The following DSCAM variants were observed in gnomAD, a reference collection of about 807,000 sequenced individuals.
The protein encoded by DSCAM is cell adhesion molecule DSCAM.
DSCAM carries 47 observed loss-of-function variants against 217.7 expected under a neutral mutation model. That is an observed-to-expected ratio of 0.22 (90% confidence interval 0.17 to 0.28). The LOEUF is 0.28. Among genes scored for constraint, DSCAM ranks in the 10% least tolerant of loss-of-function variants. DSCAM has a pLI of 1.00. For synonymous variants in DSCAM, 1,056 were observed against 1,015.3 expected (o/e 1.04, Z -0.76); for missense variants, 2,080 against 2,618.3 (o/e 0.79, Z 4.49).
At chr21:40,313,565 T>A (rs1212551166) in intron 8 of DSCAM, among the ~76,000 whole-genome samples, 1 of 152,212 alleles carries the variant, frequency 6.6e-6, no homozygotes, top group Non-Finnish European at 1.5e-5. Context: ...CTGTTACTTG[T>A]TAGTTATGAG....
intron 20 of DSCAM, among the ~76,000 whole-genome samples, chr21:40,103,680 A>G (rs1414434373): frequency 6.6e-6 from 1 of 151,800 alleles, no homozygotes; most frequent in Non-Finnish European, 1.5e-5. Flanking sequence ...TGTAGATACC[A>G]TTACATATAT....
chr21:40,476,494 C>A (rs2075937444), intron 3 of DSCAM, among the ~76,000 whole-genome samples: 1 of 152,176 alleles, frequency 6.6e-6, no homozygotes, highest in Non-Finnish European at 1.5e-5. Flanking sequence ...ATGATAGTGA[C>A]AATCACAAAC....
chr21:40,502,616 C>T (rs1026153355), intron 3 of DSCAM, among the ~76,000 whole-genome samples: 18 of 152,250 alleles, frequency 1.2e-4, no homozygotes, highest in Admixed American at 1.2e-3. Flanking sequence ...AATGGCCCAT[C>T]GAGTTTCCCA....
chr21:40,734,903 G>C (rs1601189693), intron 1 of DSCAM, among the ~76,000 whole-genome samples: 1 of 152,198 alleles, frequency 6.6e-6, no homozygotes, highest in Non-Finnish European at 1.5e-5. Flanking sequence ...AGACAAACGT[G>C]AATGTGCTTT....
intron 28 of DSCAM, among the ~76,000 whole-genome samples, chr21:40,059,043 T>G (rs2089073364): frequency 1.3e-5 from 2 of 152,210 alleles, no homozygotes; most frequent in Non-Finnish European, 2.9e-5. Flanking sequence ...AATCAATTAT[T>G]TGCAGCCACT....
intron 11 of DSCAM, among the ~76,000 whole-genome samples, chr21:40,249,160 G>A (rs187710118): frequency 9.9e-5 from 15 of 152,284 alleles, no homozygotes; most frequent in Non-Finnish European, 1.8e-4. Context: ...CTGAAGCAGG[G>A]CAGATAGTTA....
intron 3 of DSCAM, among the ~76,000 whole-genome samples, chr21:40,425,827 G>T (rs1012946030): frequency 4.0e-5 from 6 of 151,836 alleles, no homozygotes; most frequent in African/African-American, 1.5e-4. Flanking sequence ...ACACACACAT[G>T]CATGTGTATC....
chr21:40,237,731 G>C (rs1414345523), intron 11 of DSCAM, among the ~76,000 whole-genome samples: 2 of 152,142 alleles, frequency 1.3e-5, no homozygotes, highest in Non-Finnish European at 2.9e-5. Flanking sequence ...TATGTACCTA[G>C]TAATGGGATT....
Position 40,538,585 on chromosome 21 carries a change from CT to C in DSCAM, c.508+154224del, listed in dbSNP as rs2076518230. On this transcript the variant is annotated intron_variant, in intron 3 of 32. Coordinates refer to ENST00000400454, the MANE Select transcript of DSCAM (RefSeq NM_001389.5). ...AATCAAAATTTGCCTTGATATTGTGCTTTCTGTGTTTGCCATACAATGAATT... is the reference window on the plus strand; with the variant it reads ...AATCAAAATTTGCCTTGATATTGTGCTTCTGTGTTTGCCATACAATGAATT... Among the ~76,000 whole-genome samples, 3 of 152,270 alleles carry C rather than the reference CT, an allele frequency of 2.0e-5. No homozygotes were observed. The South Asian group carries it at 6.2e-4, about 32-fold the overall frequency.
chr21:40,811,647 T>C (rs775473885), intron 1 of DSCAM, among the ~76,000 whole-genome samples: 1 of 152,222 alleles, frequency 6.6e-6, no homozygotes, highest in Non-Finnish European at 1.5e-5. Context: ...CAAAGGCTGA[T>C]GCAGACAGAA....
At chr21:40,525,196 TTTTA>T (rs2076391362) in intron 3 of DSCAM, among the ~76,000 whole-genome samples, 1 of 152,190 alleles carries the variant, frequency 6.6e-6, no homozygotes, top group Non-Finnish European at 1.5e-5. Flanking sequence ...CAAAAGTGGA[TTTTA>T]TTTGTGACGT....
chr21:40,189,065 C>T lies in DSCAM; in HGVS notation c.2530G>A (p.Glu844Lys), dbSNP rs1193068437. 2 of 1,614,198 alleles carry T rather than the reference C, an allele frequency of 1.2e-6. No individual in the cohort carries two copies. The highest frequency in any genetic ancestry group is 1.3e-5 in the African/African-American group (1 of 75,050). The change falls in exon 12 of 33, where the codon GAA becomes AAA. Residue 844 changes from glutamate to lysine, a missense_variant. Coordinates refer to ENST00000400454, the MANE Select transcript of DSCAM (RefSeq NM_001389.5). ...ACCTGCAGAGTAGAAATCACCTCTT[C>T]TCCCACCTCCTTGGTGGACACAAGA... ...RYLVSTKEVG[E>K]EVISTLQILP...
chr21:40,495,977 G>A (rs1038694619), intron 3 of DSCAM, among the ~76,000 whole-genome samples: 4 of 151,962 alleles, frequency 2.6e-5, no homozygotes, highest in African/African-American at 9.7e-5. Context: ...TTTAACCAAG[G>A]AAGTGAAAAA....
chr21:40,728,109 G>A (rs748404390), intron 1 of DSCAM, among the ~76,000 whole-genome samples: 20 of 152,062 alleles, frequency 1.3e-4, no homozygotes, highest in Non-Finnish European at 2.6e-4. Context: ...TCCGACCCAC[G>A]CCTGCACTTA....
intron 3 of DSCAM, among the ~76,000 whole-genome samples, chr21:40,380,925 T>A (rs372690814): frequency 6.6e-6 from 1 of 150,614 alleles, no homozygotes; most frequent in Non-Finnish European, 1.5e-5. Flanking sequence ...TAGCCGGGCG[T>A]GGTGGCGGGC....
intron 3 of DSCAM, among the ~76,000 whole-genome samples, chr21:40,640,635 G>A (rs769697979): frequency 3.9e-5 from 6 of 152,146 alleles, no homozygotes; most frequent in South Asian, 2.1e-4. Context: ...GGATGCTGGC[G>A]GAGGCTCTGG....
chr21:40,665,965 T>A (rs1175458287), intron 3 of DSCAM, among the ~76,000 whole-genome samples: 1 of 81,644 alleles, frequency 1.2e-5, no homozygotes, highest in African/African-American at 3.4e-5. Flanking sequence ...GAGTGTGGAA[T>A]CAGCTCAGGC....
At chr21:40,806,770 C>T (rs2091791549) in intron 1 of DSCAM, among the ~76,000 whole-genome samples, 1 of 152,180 alleles carries the variant, frequency 6.6e-6, no homozygotes, top group Admixed American at 6.5e-5. Flanking sequence ...CCATGGAATA[C>T]TATGCAGCCA....
chr21:40,312,326 C>A lies in DSCAM; in HGVS notation c.1817G>T (p.Arg606Ile). 6.2e-7 allele frequency: 1 copy of A among 1,613,980 alleles called. No individual in the cohort carries two copies. Among genetic ancestry groups the A allele is most frequent in the South Asian group, 1.1e-5 (1 of 91,080 alleles). Residue 606 changes from arginine to isoleucine, a missense_variant, in exon 9 of 33, where the codon AGA becomes ATA. By Grantham distance (97) the Arg-to-Ile change is moderately conservative (BLOSUM62 -3). Coordinates refer to ENST00000400454, the MANE Select transcript of DSCAM (RefSeq NM_001389.5). The stretch of plus-strand genomic sequence containing the variant: ...GAAGACCCGCTGCCCAATGGAGAAT[C>A]TTGGAAACTCAAAGGGTTGTATGAA... ...PPFIQPFEFP[R>I]FSIGQRVFIP...
Sources: gnomAD v4.1 joint callset for allele counts (sites outside exome capture counted in the v4.1 genomes callset) on GRCh38, gnomAD v4.1.1 for gene constraint, MANE v1.5 for transcripts, NCBI Gene and HGNC (gene_info 2026-07-23, HGNC 2026-07-21) for gene names.